Variants in MXRA5 observed in about 807,000 individuals in gnomAD.
MXRA5 encodes matrix remodeling associated 5, also known as matrix-remodeling-associated protein 5.
Under a neutral mutation model 112.5 loss-of-function variants are expected in MXRA5, and 41 were observed. That is an observed-to-expected ratio of 0.36 (90% CI 0.28 to 0.47). The LOEUF (loss-of-function observed/expected upper bound fraction) is 0.47. Among genes scored for constraint, MXRA5 ranks in the 20% least tolerant of loss-of-function variants. MXRA5 has a pLI of 0.99. For missense variants in MXRA5, 2,150 were observed against 2,251.0 expected (o/e 0.96, Z 0.91); for synonymous variants, 862 against 900.8 (o/e 0.96, Z 0.77).
chrX:3,331,224 G>A (rs777611407), intron 2 of MXRA5, among the ~76,000 whole-genome samples: 12 of 111,641 alleles, frequency 1.1e-4, no homozygotes, highest in Non-Finnish European at 2.1e-4. Context: ...GTGATTCTGA[G>A]GTTACAGGGG....
intron 2 of MXRA5, among the ~76,000 whole-genome samples, chrX:3,334,513 C>T (rs1040331422): frequency 1.8e-5 from 2 of 110,866 alleles, no homozygotes; most frequent in Non-Finnish European, 3.8e-5. Flanking sequence ...AGGCTGATAC[C>T]AGGGAGATCA....
At chrX:3,335,923 C>A in intron 2 of MXRA5, among the ~76,000 whole-genome samples, 1 of 112,265 alleles carries the variant, frequency 8.9e-6, no homozygotes, top group Non-Finnish European at 1.9e-5. Flanking sequence ...TCACGTACTG[C>A]AGTGGTCCTC....
intron 2 of MXRA5, among the ~76,000 whole-genome samples, chrX:3,340,997 G>A (rs1401688792): frequency 5.3e-5 from 4 of 75,887 alleles, no homozygotes; most frequent in Non-Finnish European, 9.9e-5. Context: ...TATATATCAT[G>A]TATAATATAT....
intron 2 of MXRA5, among the ~76,000 whole-genome samples, chrX:3,340,054 GA>G (rs1311135190): frequency 6.0e-4 from 63 of 105,595 alleles, no homozygotes; most frequent in African/African-American, 2.3e-3. Flanking sequence ...TTAATAGAGG[GA>G]AAAAAATACT....
At chrX:3,344,157 C>CGAGAGAGA (rs377198782) in intron 1 of MXRA5, among the ~76,000 whole-genome samples, 3 of 96,285 alleles carry the variant, frequency 3.1e-5, no homozygotes, top group East Asian at 3.2e-4. Context: ...CAGAGAGAGA[C>CGAGAGAGA]GAGAGAGAGA....
Position 3,320,958 on chromosome X carries a change from A to G in MXRA5, c.4727T>C (p.Leu1576Ser). Residue 1576 changes from leucine to serine, a missense_variant, in exon 5 of 7, where the codon TTG becomes TCG. Around this residue, in one of 6 missense-constraint regions of MXRA5, gnomAD observed 1,485 missense variants for 1,471.6 expected, o/e 1.01. Coordinates refer to ENST00000217939, the MANE Select transcript of MXRA5 (RefSeq NM_015419.4). ...CCTACTACCAAATACTTGCTTTTCC[A>G]ATTCCAGCTTTGTAGACAAGTTAAA... ...DAFNLSTKLE[L>S]EKQVFGSRSL... 2 of 1,211,897 alleles carry G rather than the reference A, an allele frequency of 1.7e-6. No homozygotes were observed. Among genetic ancestry groups the G allele is most frequent in the African/African-American group, 1.7e-5 (1 of 57,824 alleles).
At chrX:3,313,265 G>C (rs1470170545) in intron 6 of MXRA5, among the ~76,000 whole-genome samples, 1 of 112,192 alleles carries the variant, frequency 8.9e-6, no homozygotes, top group Non-Finnish European at 1.9e-5. Flanking sequence ...ATTTGTTTTT[G>C]TTTTTGTTTT....
Position 3,317,697 on chromosome X carries a change from A to G in MXRA5, c.5984T>C (p.Val1995Ala), listed in dbSNP as rs769746133. The G allele has an allele frequency of 1.1e-4, 136 of 1,200,276 alleles. 1 individual carries two copies. In the Middle Eastern group the frequency reaches 5.7e-3, roughly 51 times the overall value. Residue 1995 changes from valine (V) to alanine (A), a missense_variant, in exon 6 of 7, where the codon GTG becomes GCG. Val to Ala is a moderately conservative substitution (Grantham distance 64). This residue lies in a region of MXRA5 where 1,485 missense variants were observed against 1,471.6 expected (regional missense o/e 1.01). Transcript: ENST00000217939. ...GGTGATGCGGCCCTCCACGGGGGAC[A>G]CAGTTTGCCACACCCTCCTGTCAGG... is the stretch of plus-strand genomic sequence containing the variant. Reference protein sequence around the residue: ...IFPDRRVWQTVSPVEGRITLH... With the variant: ...IFPDRRVWQTASPVEGRITLH...
intron 2 of MXRA5, among the ~76,000 whole-genome samples, chrX:3,332,514 G>A (rs1921690766): frequency 8.9e-6 from 1 of 112,265 alleles, no homozygotes; most frequent in Non-Finnish European, 1.9e-5. Flanking sequence ...AAAGTGCTGG[G>A]ATTACAGGCG....
At position 3,311,167 on chromosome X, in the gene MXRA5, C is replaced by A; in HGVS notation, c.7036G>T (p.Ala2346Ser). The change falls in exon 7 of 7, where the codon GCC becomes TCC. Residue 2346 changes from alanine to serine, a missense_variant. Physicochemically the swap from Ala to Ser is moderately conservative, Grantham distance 99. This residue lies in a region of MXRA5 where 1,485 missense variants were observed against 1,471.6 expected (regional missense o/e 1.01). Coordinates refer to ENST00000217939, the MANE Select transcript of MXRA5 (RefSeq NM_015419.4). ...RVRVKVVTAP[A>S]TIRNKTYLAV... ...AAGTAAGTCTTGTTCCGGATGGTGG[C>A]GGGCGCTGTCACCACCTTGACTCTG... 1 of 1,211,474 alleles carries A rather than the reference C, an allele frequency of 8.3e-7. No individual in the cohort carries two copies. The highest frequency in any genetic ancestry group is 1.1e-6 in the Non-Finnish European group (1 of 895,470).
At position 3,323,809 on chromosome X, in the gene MXRA5, A is replaced by T; in HGVS notation, c.1876T>A (p.Ser626Thr). 1 of 1,211,200 alleles carries T rather than the reference A, an allele frequency of 8.3e-7. No homozygotes were observed. The highest frequency in any genetic ancestry group is 1.1e-6 in the Non-Finnish European group (1 of 895,109). Residue 626 changes from serine (S) to threonine (T), a missense_variant, in exon 5 of 7, where the codon TCA becomes ACA. By Grantham distance (58) the Ser-to-Thr change is moderately conservative. Around this residue, in one of 6 missense-constraint regions of MXRA5, gnomAD observed 1,485 missense variants for 1,471.6 expected, o/e 1.01. Transcript: ENST00000217939. Reference protein sequence around the residue: ...RRIINDLANTSHVYMLPNGTL... With the variant: ...RRIINDLANTTHVYMLPNGTL... ...CCATTTGGCAACATGTATACATGTGATGTGTTAGCCAAATCATTAATTATC... is the reference window on the plus strand; with the variant it reads ...CCATTTGGCAACATGTATACATGTGTTGTGTTAGCCAAATCATTAATTATC...
intron 4 of MXRA5, among the ~76,000 whole-genome samples, chrX:3,326,342 G>T (rs960836960): frequency 1.1e-5 from 1 of 93,231 alleles, no homozygotes; most frequent in Non-Finnish European, 2.1e-5. Flanking sequence ...ATCTATCTAG[G>T]AACTATATAT....
At chrX:3,344,893 AC>A (rs1418472361) in intron 1 of MXRA5, among the ~76,000 whole-genome samples, 1 of 111,005 alleles carries the variant, frequency 9.0e-6, no homozygotes, top group Non-Finnish European at 1.9e-5. Context: ...CGGGCGGATC[AC>A]CTGAGGTCAG....
Position 3,311,543 on chromosome X carries a change from C to A in MXRA5, c.6660G>T (p.Leu2220=), listed in dbSNP as rs1377290889. ...CACCAACCTTATTTCGAGCTACGCACAGGTAATCTCCGGCATCTTTGTCCG... is the reference window on the plus strand; with the variant it reads ...CACCAACCTTATTTCGAGCTACGCAAAGGTAATCTCCGGCATCTTTGTCCG... ...SVTDKDAGDY[L]CVARNKVGDD... The change falls in exon 7 of 7, where the codon CTG becomes CTT. Residue 2220 remains leucine, a synonymous_variant. Transcript: ENST00000217939. 3.5e-5 allele frequency: 42 copies of A among 1,210,402 alleles called. No individual in the cohort carries two copies. Among genetic ancestry groups the A allele is most frequent in the Non-Finnish European group, 4.5e-5 (40 of 895,399 alleles).
At chrX:3,318,866 TAA>T (rs59408908) in intron 5 of MXRA5, among the ~76,000 whole-genome samples, 2 of 106,849 alleles carry the variant, frequency 1.9e-5, no homozygotes, top group South Asian at 4.2e-4. Flanking sequence ...TCTTTTTCTT[TAA>T]AAAAAAAACA....
intron 2 of MXRA5, among the ~76,000 whole-genome samples, chrX:3,339,379 C>T (rs767640025): frequency 3.4e-4 from 38 of 111,005 alleles, no homozygotes; most frequent in African/African-American, 1.2e-3. Flanking sequence ...ATTCTCCTGC[C>T]TCAGCCTCCC....
intron 6 of MXRA5, among the ~76,000 whole-genome samples, chrX:3,312,704 A>G (rs1159525354): frequency 1.9e-5 from 2 of 104,135 alleles, no homozygotes; most frequent in African/African-American, 3.5e-5. Context: ...TTGGACTACA[A>G]CAATACACCA....
intron 2 of MXRA5, among the ~76,000 whole-genome samples, chrX:3,336,092 G>A (rs781370310): frequency 5.4e-5 from 6 of 111,720 alleles, no homozygotes; most frequent in Non-Finnish European, 7.5e-5. Flanking sequence ...ATGAGTGACG[G>A]CATTAGATTC....
At chrX:3,342,478 T>A (rs1244999893) in intron 2 of MXRA5, among the ~76,000 whole-genome samples, 1 of 112,387 alleles carries the variant, frequency 8.9e-6, no homozygotes, top group East Asian at 2.8e-4. Flanking sequence ...AAAGGGAAGC[T>A]GGCTTATGTG....
Sources: allele counts gnomAD v4.1 joint callset (sites outside exome capture counted in the v4.1 genomes callset), GRCh38; gene constraint gnomAD v4.1.1; regional missense constraint gnomAD v4.1.1; transcripts MANE v1.5; gene names NCBI Gene and HGNC (gene_info 2026-07-23, HGNC 2026-07-21).